The following FHDC1 variants were observed in gnomAD, a reference collection of about 807,000 sequenced individuals.
FHDC1 encodes FH2 domain-containing protein 1.
Under a neutral mutation model 52.6 loss-of-function variants are expected in FHDC1, and 25 were observed. The ratio of observed to expected loss-of-function variants is 0.48; its 90% CI spans 0.35 to 0.66. The LOEUF is 0.66. Ranked by LOEUF, FHDC1 falls within the 30% of genes least tolerant of loss-of-function variation. The pLI is 0.01. For synonymous variants in FHDC1, 616 were observed against 581.5 expected, an observed-to-expected ratio of 1.06 and a Z score of -0.85; for missense variants, 1,459 against 1,452.8, an observed-to-expected ratio of 1.00 and a Z score of -0.07.
At chr4:152,919,855 G>T in the FHDC1 span, among the ~76,000 whole-genome samples, 1 of 151,936 alleles carries the variant, frequency 6.6e-6, no homozygotes, top group South Asian at 2.1e-4. Context: ...CAAGGACTGG[G>T]TTGCATGGGT....
the FHDC1 span, among the ~76,000 whole-genome samples, chr4:152,926,720 G>A: frequency 2.1e-5 from 3 of 144,710 alleles, no homozygotes; most frequent in Non-Finnish European, 3.0e-5. Flanking sequence ...TGGGAATTTA[G>A]CCAATTCAGA....
chr4:152,929,301 T>C, the FHDC1 span, among the ~76,000 whole-genome samples: 1 of 152,134 alleles, frequency 6.6e-6, no homozygotes, highest in Non-Finnish European at 1.5e-5. This position sits in a 1 kb window ranked among gnomAD's most constrained non-coding sequence, Gnocchi z 4.1. Flanking sequence ...CACTTATACC[T>C]TGGTCTGGCT....
chr4:152,916,939 T>C, the FHDC1 span: 17 of 152,176 alleles, frequency 1.1e-4, no homozygotes, highest in Admixed American at 1.0e-3. Context: ...TTGAAGCTTT[T>C]CGAAAAAATT....
chr4:152,925,128 AAAGATTTATTC>A, the FHDC1 span, among the ~76,000 whole-genome samples: 1 of 152,208 alleles, frequency 6.6e-6, no homozygotes. Context: ...CTTATTTACT[AAAGATTTATTC>A]AAGTTACATG....
the FHDC1 span, among the ~76,000 whole-genome samples, chr4:152,917,779 C>T: frequency 2.2e-4 from 34 of 152,336 alleles, no homozygotes; most frequent in African/African-American, 7.7e-4. Flanking sequence ...ATTCCACTAA[C>T]ACCTTGAAGA....
chr4:152,928,576 C>T, the FHDC1 span, among the ~76,000 whole-genome samples: 9 of 152,200 alleles, frequency 5.9e-5, no homozygotes, highest in African/African-American at 2.2e-4. Context: ...TCCCCAACAA[C>T]ACAAAGAAGT....
At position 152,976,853 on chromosome 4, in the gene FHDC1, T is replaced by C; in HGVS notation, c.*130T>C. The stretch of plus-strand genomic sequence containing the variant: ...CCACTGGTGCCACTGCTAGTGACGC[T>C]GTTGGGATGGCACAGTCCAGGAGGC... On this transcript the variant is annotated 3_prime_UTR_variant, in exon 12 of 12. Transcript: ENST00000511601. 1 of 1,244,664 alleles carries C rather than the reference T, an allele frequency of 8.0e-7. No homozygotes were observed. 77.1% of individuals were successfully genotyped at this position (1,244,664 alleles called of 1,614,324 possible).
In FHDC1 at chr4:152,963,030, A is replaced by G; in HGVS notation, c.929A>G (p.Tyr310Cys). The change falls in exon 8 of 12, where the codon TAT becomes TGT. Residue 310 changes from tyrosine to cysteine, a missense_variant. Coordinates refer to ENST00000511601, the MANE Select transcript of FHDC1 (RefSeq NM_001371116.1). ...TTGATTTGTCTTCTTTAGGGAGGGT[A>G]TGCCGGCAATGCAGTAGGATTTAAA... ...QAGNIMNAGG[Y>C]AGNAVGFKLS... The G allele has an allele frequency of 6.2e-7, 1 of 1,608,314 alleles. No individual in the cohort carries two copies. The highest frequency in any genetic ancestry group is 8.5e-7 in the Non-Finnish European group (1 of 1,177,956).
intron 6 of FHDC1, among the ~76,000 whole-genome samples, 171 bp downstream of exon 6, chr4:152,961,015 T>C (rs1447659168): frequency 6.6e-6 from 1 of 152,220 alleles, no homozygotes; most frequent in Non-Finnish European, 1.5e-5. Context: ...CATTGACATT[T>C]TTCCCCTGTA....
At chr4:152,925,180 T>C in the FHDC1 span, among the ~76,000 whole-genome samples, 5 of 152,188 alleles carry the variant, frequency 3.3e-5, no homozygotes, top group African/African-American at 1.2e-4. Context: ...TTAAAGTCTC[T>C]ATTTTTTCTG....
the FHDC1 span, among the ~76,000 whole-genome samples, chr4:152,923,083 T>C: frequency 6.6e-6 from 1 of 152,290 alleles, no homozygotes; most frequent in Admixed American, 6.5e-5. Flanking sequence ...TGTTTGCAGA[T>C]GACATGATTG....
chr4:152,953,420 A>C lies in FHDC1; in HGVS notation c.499-79A>C, dbSNP rs573988920. ...TCTGATAAATTAGTGTTGCATTTTG[A>C]TCGGTTTTAATTATCTTCTTTCTCC... On this transcript the variant is annotated intron_variant, in intron 2 of 11. Coordinates refer to ENST00000511601, the MANE Select transcript of FHDC1 (RefSeq NM_001371116.1). 1.6e-5 allele frequency: 18 copies of C among 1,131,784 alleles called. No individual in the cohort carries two copies. In the East Asian group the frequency reaches 3.8e-4, roughly 24 times the overall value. The allele number at this position is 1,131,784 out of a possible 1,614,324, so 70.1% of individuals were successfully genotyped here. A position where few individuals can be genotyped will look rare whatever the true frequency, so the allele number is the denominator to read the frequency against.
the FHDC1 span, among the ~76,000 whole-genome samples, chr4:152,925,426 T>A: frequency 6.6e-6 from 1 of 152,144 alleles, no homozygotes; most frequent in Non-Finnish European, 1.5e-5. Flanking sequence ...AGCCCTAAAT[T>A]TGTACATTAA....
chr4:152,926,813 A>C, the FHDC1 span, among the ~76,000 whole-genome samples: 2 of 151,956 alleles, frequency 1.3e-5, no homozygotes, highest in African/African-American at 2.4e-5. Context: ...GAAAAAAAAA[A>C]CAAAACAACA....
the FHDC1 span, among the ~76,000 whole-genome samples, chr4:152,913,828 G>A: frequency 1.3e-5 from 2 of 152,094 alleles, no homozygotes; most frequent in Admixed American, 1.3e-4. Flanking sequence ...TTACAGGCAT[G>A]CGCCACCACG....
At chr4:152,967,675 TA>T (rs1740505857) in intron 9 of FHDC1, among the ~76,000 whole-genome samples, 1 of 152,250 alleles carries the variant, frequency 6.6e-6, no homozygotes, top group Non-Finnish European at 1.5e-5. Flanking sequence ...TTGTAATGCT[TA>T]TTGCATAAAG....
the FHDC1 span, among the ~76,000 whole-genome samples, chr4:152,916,427 T>C: frequency 6.6e-6 from 1 of 151,962 alleles, no homozygotes; most frequent in African/African-American, 2.4e-5. Context: ...TATTCACATA[T>C]ATGGAGAGAA....
chr4:152,976,589 G>A lies in FHDC1; in HGVS notation c.3298G>A (p.Glu1100Lys). The A allele has an allele frequency of 6.2e-7, 1 of 1,612,302 alleles. No homozygotes were observed. The highest frequency in any genetic ancestry group is 8.5e-7 in the Non-Finnish European group (1 of 1,179,492). The change falls in exon 12 of 12, where the codon GAG becomes AAG. Residue 1100 changes from glutamate (E) to lysine (K), a missense_variant. Glu to Lys is a moderately conservative substitution (Grantham distance 56). This residue lies in a region of FHDC1 where 939 missense variants were observed against 854.5 expected (regional missense o/e 1.10). Coordinates refer to ENST00000511601, the MANE Select transcript of FHDC1 (RefSeq NM_001371116.1). ...SSARAPKKRP[E>K]SAEGPSANTE... ...TGCCCGGGCCCCCAAGAAGCGCCCA[G>A]AGTCTGCGGAGGGTCCCAGTGCCAA... is the stretch of plus-strand genomic sequence containing the variant.
chr4:152,978,605 A>G lies in FHDC1; in HGVS notation c.*1882A>G, dbSNP rs1394391645. On this transcript the variant is annotated 3_prime_UTR_variant, in exon 12 of 12. Coordinates refer to ENST00000511601, the MANE Select transcript of FHDC1 (RefSeq NM_001371116.1). ...CCATTTCACGACTCCTCTGAGACTA[A>G]TTGGGAAACGGGGAAATTCTTGGAA... is the stretch of plus-strand genomic sequence containing the variant. 1 of 152,200 alleles carries G rather than the reference A, an allele frequency of 6.6e-6. No homozygotes were observed. The highest frequency in any genetic ancestry group is 1.5e-5 in the Non-Finnish European group (1 of 68,040). The allele number at this position is 152,200 out of a possible 1,614,324, so 9.4% of individuals were successfully genotyped here.
Sources: gnomAD v4.1 joint callset for allele counts (sites outside exome capture counted in the v4.1 genomes callset) on GRCh38, gnomAD v4.1.1 for gene constraint, gnomAD v4.1.1 regional missense constraint, Gnocchi (gnomAD v3.1) non-coding constraint, MANE v1.5 for transcripts, NCBI Gene and HGNC (gene_info 2026-07-23, HGNC 2026-07-21) for gene names.